The following DST variants were observed in gnomAD, a reference collection of about 807,000 sequenced individuals.
DST encodes bullous pemphigoid antigen.
Under a neutral mutation model 875.2 loss-of-function variants are expected in DST, and 253 were observed. The observed-to-expected ratio is 0.29, with a 90% CI of 0.26 to 0.32. The LOEUF (loss-of-function observed/expected upper bound fraction) is 0.32, where lower values mean the gene tolerates loss of function less well. Ranked by LOEUF, DST falls within the 10% of genes least tolerant of loss-of-function variation. The pLI, the probability that DST is intolerant of heterozygous loss-of-function variation, is 1.00. For missense variants in DST, 8,287 were observed against 9,111.6 expected (o/e 0.91, Z 3.68); for synonymous variants, 3,124 against 3,197.1 (o/e 0.98, Z 0.77).
intron 4 of DST, among the ~76,000 whole-genome samples, chr6:56,839,931 C>T (rs978413114): frequency 1.9e-4 from 29 of 152,098 alleles, no homozygotes; most frequent in Non-Finnish European, 3.4e-4. Context: ...GTAACCAAAA[C>T]GACCATTCCA....
intron 4 of DST, among the ~76,000 whole-genome samples, chr6:56,763,501 G>A (rs143942892): frequency 0.014 from 2,111 of 151,674 alleles, 42 homozygotes; most frequent in African/African-American, 0.048. Flanking sequence ...GTGAAACCAC[G>A]TCTCTACTAA....
chr6:56,702,626 G>A (rs993559818), intron 7 of DST, among the ~76,000 whole-genome samples: 1 of 152,068 alleles, frequency 6.6e-6, no homozygotes, highest in Non-Finnish European at 1.5e-5. Flanking sequence ...TACTACTTGG[G>A]GATGGAAACA....
chr6:56,666,505 G>A (rs1477000038), intron 10 of DST, among the ~76,000 whole-genome samples: 1 of 151,912 alleles, frequency 6.6e-6, no homozygotes, highest in African/African-American at 2.4e-5. Context: ...GCTACATAGG[G>A]ATAACCACAT....
intron 4 of DST, among the ~76,000 whole-genome samples, chr6:56,794,212 A>G (rs1028626686): frequency 6.6e-6 from 1 of 152,228 alleles, no homozygotes; most frequent in African/African-American, 2.4e-5. Flanking sequence ...TGAACCTCAG[A>G]GCTGACATGC....
At chr6:56,879,233 C>T (rs1367532803) in intron 3 of DST, among the ~76,000 whole-genome samples, 2 of 152,136 alleles carry the variant, frequency 1.3e-5, no homozygotes, top group East Asian at 3.8e-4. Context: ...CTTTGGGAGG[C>T]CAAGGCAGGT....
At chr6:56,549,272 A>G (rs1169036054) in intron 61 of DST, among the ~76,000 whole-genome samples, 1 of 152,216 alleles carries the variant, frequency 6.6e-6, no homozygotes, top group Non-Finnish European at 1.5e-5. Flanking sequence ...AACTAAAGCT[A>G]CCAGATAGAT....
At chr6:56,631,456 G>T in intron 29 of DST, 67 bp from the exon 30 acceptor site, 1 of 1,296,842 alleles carries the variant, frequency 7.7e-7, no homozygotes, top group Non-Finnish European at 1.1e-6. Flanking sequence ...TCTTAAACTA[G>T]TTGAAAAACA....
intron 84 of DST, 94 bp from the exon 85 acceptor site, chr6:56,492,527 A>C (rs1015755076): frequency 7.7e-6 from 10 of 1,291,162 alleles, no homozygotes; most frequent in Non-Finnish European, 1.1e-5. Flanking sequence ...ATTATTTTAA[A>C]GGACAAACGA....
At chr6:56,906,636 A>G (rs1167236774) in intron 2 of DST, among the ~76,000 whole-genome samples, 1 of 152,144 alleles carries the variant, frequency 6.6e-6, no homozygotes, top group Non-Finnish European at 1.5e-5. Flanking sequence ...CACCTCCTCA[A>G]GCTGGACTAT....
chr6:56,670,060 T>C (rs1033308380), intron 10 of DST, among the ~76,000 whole-genome samples: 6 of 151,560 alleles, frequency 4.0e-5, no homozygotes, highest in African/African-American at 1.5e-4. Context: ...AGAGGCAAAA[T>C]CAAAGTCTGC....
At chr6:56,693,318 C>T (rs1361674335) in intron 9 of DST, 1 of 1,169,342 alleles carries the variant, frequency 8.6e-7, no homozygotes, top group Non-Finnish European at 1.1e-6. Context: ...AAGGCACACA[C>T]AAGAAATGCC....
chr6:56,697,585 TAGTAACATGACTGGCATCACAAC>T (rs2099271039), intron 9 of DST, among the ~76,000 whole-genome samples: 1 of 151,984 alleles, frequency 6.6e-6, no homozygotes, highest in Admixed American at 6.6e-5. Flanking sequence ...AAGCTCAAAG[TAGTAACATGACTGGCATCACAAC>T]AGTAAGTAAA....
At chr6:56,813,675 C>T (rs1026092049) in intron 4 of DST, among the ~76,000 whole-genome samples, 12 of 151,988 alleles carry the variant, frequency 7.9e-5, no homozygotes, top group Non-Finnish European at 1.5e-4. Flanking sequence ...TTAAGCCAGC[C>T]GAATTTCAGA....
At chr6:56,711,672 C>T (rs1408527770) in intron 5 of DST, among the ~76,000 whole-genome samples, 1 of 152,118 alleles carries the variant, frequency 6.6e-6, no homozygotes, top group Admixed American at 6.5e-5. Context: ...AAGATGTATT[C>T]TTGACAAACT....
intron 4 of DST, among the ~76,000 whole-genome samples, chr6:56,832,586 G>A (rs1403096590): frequency 2.0e-5 from 3 of 148,480 alleles, no homozygotes; most frequent in African/African-American, 7.5e-5. Flanking sequence ...TATGAAAACA[G>A]ACTAATGCAG....
Position 56,501,591 on chromosome 6 carries a change from T to A in DST, c.19669A>T (p.Thr6557Ser). Residue 6557 changes from threonine to serine, a missense_variant, in exon 79 of 104, where the codon ACT becomes TCT. Thr to Ser is a moderately conservative substitution (Grantham distance 58). This residue lies in a region of DST where 1,292 missense variants were observed against 1,552.7 expected (regional missense o/e 0.83). Coordinates refer to ENST00000680361, the MANE Select transcript of DST (RefSeq NM_001374736.1). ...AGTTCCATTAATGGGTCTTGAACAG[T>A]GTGTTTGTCACTCTCTTCTGTTACT... ...KKVTEESDKHTVQDPLMELKL... is the reference protein window; with the variant it reads ...KKVTEESDKHSVQDPLMELKL... The A allele has an allele frequency of 6.2e-7, 1 of 1,608,828 alleles. No homozygotes were observed. The highest frequency in any genetic ancestry group is 8.5e-7 in the Non-Finnish European group (1 of 1,177,622).
intron 4 of DST, among the ~76,000 whole-genome samples, chr6:56,778,420 A>G (rs968659022): frequency 6.8e-6 from 1 of 147,778 alleles, no homozygotes; most frequent in African/African-American, 2.5e-5. Context: ...TTTAGGGTAC[A>G]TGTGCACAAC....
intron 2 of DST, among the ~76,000 whole-genome samples, chr6:56,951,734 A>G (rs985268913): frequency 3.3e-5 from 5 of 152,210 alleles, no homozygotes; most frequent in African/African-American, 1.2e-4. Context: ...TTAAACTAAT[A>G]TTGCATTTAA....
intron 10 of DST, among the ~76,000 whole-genome samples, chr6:56,666,737 CTT>C (rs111274857): frequency 8.1e-4 from 113 of 139,362 alleles, no homozygotes; most frequent in African/African-American, 2.0e-3. Context: ...AAAAACTACT[CTT>C]TTTTTTTTTT....
Sources: gnomAD v4.1 joint callset for allele counts (sites outside exome capture counted in the v4.1 genomes callset) on GRCh38, gnomAD v4.1.1 for gene constraint, gnomAD v4.1.1 regional missense constraint, MANE v1.5 for transcripts, NCBI Gene and HGNC (gene_info 2026-07-23, HGNC 2026-07-21) for gene names.